The following HPSE2 variants were observed in gnomAD, a reference collection of about 807,000 sequenced individuals.
HPSE2 encodes the protein heparanase 2 (inactive).
In HPSE2, 38 loss-of-function variants were observed where a neutral mutation model predicts 60.5. That is an observed-to-expected ratio of 0.63 (90% CI 0.48 to 0.82). HPSE2 has a LOEUF of 0.82. Ranked by LOEUF, HPSE2 falls within the 40% of genes least tolerant of loss-of-function variation. The pLI is 0.00. For missense variants in HPSE2, 713 were observed against 740.4 expected, an observed-to-expected ratio of 0.96 and a Z score of 0.43; for synonymous variants, 295 against 293.2, an observed-to-expected ratio of 1.01 and a Z score of -0.06.
intron 2 of HPSE2, among the ~76,000 whole-genome samples, chr10:99,169,760 G>C (rs934808498): frequency 3.3e-5 from 5 of 151,848 alleles, no homozygotes; most frequent in Admixed American, 6.6e-5. Flanking sequence ...AGTCTCTTGG[G>C]GGAAAAGTCC....
intron 2 of HPSE2, among the ~76,000 whole-genome samples, chr10:99,182,985 A>C (rs894339393): frequency 3.3e-5 from 5 of 152,152 alleles, no homozygotes; most frequent in South Asian, 2.1e-4. Flanking sequence ...AAAACTAAAA[A>C]ACAAATCAAA....
Position 98,915,295 on chromosome 10 carries a change from C to A in HPSE2, c.611-171239G>T, listed in dbSNP as rs562670947. 7.8e-4 allele frequency among the ~76,000 whole-genome samples: 118 copies of A among 151,692 alleles called. 1 individual carries two copies. Among genetic ancestry groups the A allele is most frequent in the Non-Finnish European group, 1.5e-3 (101 of 67,926 alleles). ...CCCGAGTAGCTAAGACTACAGGCAC[C>A]CACCACCATGCCCGGCTAATTTTTT... On this transcript the variant is annotated intron_variant, in intron 3 of 11. Coordinates refer to ENST00000370552, the MANE Select transcript of HPSE2 (RefSeq NM_021828.5).
chr10:98,666,777 T>C (rs996960528), intron 6 of HPSE2, among the ~76,000 whole-genome samples: 7 of 152,102 alleles, frequency 4.6e-5, no homozygotes, highest in Non-Finnish European at 7.4e-5. Flanking sequence ...GGGATGCCAC[T>C]AAAGTGGTGG....
rs1031357792 is a variant in HPSE2, at chr10:98,937,495, G to T, written c.611-193439C>A. Among the ~76,000 whole-genome samples the T allele has an allele frequency of 2.1e-5, 3 of 144,354 alleles. 1 individual carries two copies. Among genetic ancestry groups the T allele is most frequent in the African/African-American group, 8.4e-5 (3 of 35,676 alleles). The allele number at this position is 144,354 out of a possible 152,430, so 94.7% of individuals were successfully genotyped here. On this transcript the variant is annotated intron_variant, in intron 3 of 11. Coordinates refer to ENST00000370552, the MANE Select transcript of HPSE2 (RefSeq NM_021828.5). Reference sequence around the variant, plus strand: ...AGTCTCGCTGATTGCTAGCACAGCAGTCTGAGATCAAACTGCAAGGCAGCA... The same window carrying T: ...AGTCTCGCTGATTGCTAGCACAGCATTCTGAGATCAAACTGCAAGGCAGCA...
chr10:99,231,632 C>T (rs1849647769), intron 2 of HPSE2, among the ~76,000 whole-genome samples: 1 of 152,066 alleles, frequency 6.6e-6, no homozygotes, highest in Non-Finnish European at 1.5e-5. Flanking sequence ...GTTTTCAAAG[C>T]CCTTCCAACA....
chr10:98,741,707 G>A (rs1949501979), intron 4 of HPSE2, among the ~76,000 whole-genome samples: 1 of 152,148 alleles, frequency 6.6e-6, no homozygotes, highest in African/African-American at 2.4e-5. Context: ...TTACAAACCA[G>A]TTTTATGTAG....
At chr10:98,599,821 T>C (rs975245931) in intron 9 of HPSE2, among the ~76,000 whole-genome samples, 1 of 152,176 alleles carries the variant, frequency 6.6e-6, no homozygotes, top group Non-Finnish European at 1.5e-5. Context: ...ATTGTTGTGG[T>C]TCAAATGGAT....
chr10:98,876,793 A>C (rs1939657996), intron 3 of HPSE2, among the ~76,000 whole-genome samples: 1 of 151,900 alleles, frequency 6.6e-6, no homozygotes, highest in South Asian at 2.1e-4. Flanking sequence ...AATTGTTGCT[A>C]CAATCTTAGC....
At chr10:98,986,918 A>T (rs1215265613) in intron 3 of HPSE2, among the ~76,000 whole-genome samples, 1 of 152,240 alleles carries the variant, frequency 6.6e-6, no homozygotes, top group Non-Finnish European at 1.5e-5. Flanking sequence ...TTCTCGGCAC[A>T]TAAACCCTCC....
intron 11 of HPSE2, among the ~76,000 whole-genome samples, chr10:98,476,806 A>T (rs1941042955): frequency 6.6e-6 from 1 of 151,994 alleles, no homozygotes; most frequent in Non-Finnish European, 1.5e-5. Context: ...AAGGGGCGGG[A>T]CGGTCTGAAT....
chr10:98,801,734 G>A (rs1950913396), intron 3 of HPSE2, among the ~76,000 whole-genome samples: 1 of 152,020 alleles, frequency 6.6e-6, no homozygotes, highest in Non-Finnish European at 1.5e-5. Flanking sequence ...TCATGGATTG[G>A]AAGAATCAAT....
chr10:98,573,220 ATTC>A (rs1305732437), intron 9 of HPSE2, among the ~76,000 whole-genome samples: 1 of 152,238 alleles, frequency 6.6e-6, no homozygotes, highest in Non-Finnish European at 1.5e-5. Context: ...TACTGTTATT[ATTC>A]TTTTTAAATA....
chr10:99,009,867 ACTT>A (rs1956973345), intron 3 of HPSE2, among the ~76,000 whole-genome samples: 1 of 152,248 alleles, frequency 6.6e-6, no homozygotes, highest in Admixed American at 6.5e-5. Context: ...TCATTTCATA[ACTT>A]CAATAACAAA....
chr10:98,702,414 T>C (rs1363425004), intron 5 of HPSE2, among the ~76,000 whole-genome samples: 1 of 151,844 alleles, frequency 6.6e-6, no homozygotes, highest in African/African-American at 2.4e-5. Flanking sequence ...AGACAGAAAA[T>C]TAACAAGGAT....
chr10:98,981,755 T>G (rs1050116919), intron 3 of HPSE2, among the ~76,000 whole-genome samples: 1 of 152,116 alleles, frequency 6.6e-6, no homozygotes, highest in Non-Finnish European at 1.5e-5. Flanking sequence ...AAAACTGGTT[T>G]TCCCTCCTGA....
rs916711667 is a variant in HPSE2 at position 99,117,178 on chromosome 10, GTAAA to G, written c.610+27056_610+27059del. ...ACCAATACCCCAATTTAAAAGTCAT[GTAAA>G]TAAACAATTCTAAATTAATTAATTA... On this transcript the variant is annotated intron_variant, in intron 3 of 11. Transcript: ENST00000370552. 4.0e-5 allele frequency among the ~76,000 whole-genome samples: 6 copies of G among 151,616 alleles called. No individual in the cohort carries two copies. The South Asian group carries it at 1.0e-3, about 26-fold the overall frequency.
intron 3 of HPSE2, among the ~76,000 whole-genome samples, chr10:98,824,621 C>A (rs574036854): frequency 1.9e-4 from 29 of 152,210 alleles, no homozygotes; most frequent in Admixed American, 1.6e-3. Flanking sequence ...GGTTCTATAA[C>A]CTGGAGAAAG....
intron 3 of HPSE2, among the ~76,000 whole-genome samples, chr10:99,081,792 A>T (rs953875470): frequency 1.3e-5 from 2 of 151,906 alleles, no homozygotes; most frequent in Admixed American, 1.3e-4. Flanking sequence ...CCCCGCCACC[A>T]TGCCTGGCTA....
chr10:98,497,109 T>C (rs182941506), intron 9 of HPSE2, among the ~76,000 whole-genome samples: 3 of 152,248 alleles, frequency 2.0e-5, no homozygotes, highest in East Asian at 3.9e-4. Context: ...TAGTAATTAT[T>C]TTAGTATCAT....
Sources: allele counts gnomAD v4.1 joint callset (sites outside exome capture counted in the v4.1 genomes callset), GRCh38; gene constraint gnomAD v4.1.1; transcripts MANE v1.5; gene names NCBI Gene and HGNC (gene_info 2026-07-23, HGNC 2026-07-21).